The following KCP variants were observed in gnomAD, a reference collection of about 807,000 sequenced individuals.
KCP encodes the protein kielin/chordin-like protein.
Under a neutral mutation model 212.7 loss-of-function variants are expected in KCP, and 194 were observed. The observed-to-expected ratio is 0.91, with a 90% CI of 0.81 to 1.03. The LOEUF (loss-of-function observed/expected upper bound fraction) is 1.03. Ranked by LOEUF, KCP falls within the 50% of genes least tolerant of loss-of-function variation. The pLI, the probability that KCP is intolerant of heterozygous loss-of-function variation, is 0.00. For synonymous variants in KCP, 833 were observed against 865.3 expected (o/e 0.96, Z 0.65); for missense variants, 2,080 against 2,162.5 (o/e 0.96, Z 0.76).
At chr7:128,879,865 C>G (rs796858101) in intron 35 of KCP, 36 bp from the exon 36 acceptor site, 238 of 1,551,020 alleles carry the variant, frequency 1.5e-4, no homozygotes, top group Non-Finnish European at 1.9e-4. Flanking sequence ...CAATGGTCAG[C>G]AGGGCTGGGT....
Position 128,878,583 on chromosome 7 carries a change from T to A in KCP, c.4286A>T (p.Glu1429Val). Residue 1429 changes from glutamate (E) to valine (V), a missense_variant, in exon 38 of 40, where the codon GAG (glutamate) becomes GTG (valine). By Grantham distance (121) the Glu-to-Val change is moderately radical (BLOSUM62 -2). Transcript: ENST00000610776. The part of the protein sequence containing the change: ...QGPEGLLLPS[E>V]AAFGNSWQVS... ...CTGCCAGCTATTCCCAAACGCAGCCTCCGAGGGCAGGAGCAGCCCCTCAGG... is the reference window on the plus strand; with the variant it reads ...CTGCCAGCTATTCCCAAACGCAGCCACCGAGGGCAGGAGCAGCCCCTCAGG... 1 of 1,551,338 alleles carries A rather than the reference T, an allele frequency of 6.4e-7. No homozygotes were observed. The highest frequency in any genetic ancestry group is 8.7e-7 in the Non-Finnish European group (1 of 1,146,932).
At position 128,880,511 on chromosome 7, in the gene KCP, C is replaced by G; in HGVS notation, c.3634G>C (p.Val1212Leu). The G allele has an allele frequency of 6.6e-7, 1 of 1,508,930 alleles. No homozygotes were observed. The allele number at this position is 1,508,930 out of a possible 1,614,324, so 93.5% of individuals were successfully genotyped here. The change falls in exon 34 of 40, where the codon GTG becomes CTG. Residue 1212 changes from valine to leucine, a missense_variant. Coordinates refer to ENST00000610776, the MANE Select transcript of KCP (RefSeq NM_001366122.1). ...ERCQAPTQSC[V>L]HQGREVASGE... Reference sequence around the variant, plus strand: ...GAGGCCACCTCACGGCCCTGGTGCACGCAGGACTGGGTGGGAGCTGAAGGG... The same window carrying G: ...GAGGCCACCTCACGGCCCTGGTGCAGGCAGGACTGGGTGGGAGCTGAAGGG...
intron 8 of KCP, among the ~76,000 whole-genome samples, chr7:128,895,886 G>A (rs1407579354): frequency 1.3e-5 from 2 of 152,164 alleles, no homozygotes; most frequent in African/African-American, 4.8e-5. Context: ...ATAAAAATGG[G>A]CAACCAGCAG....
chr7:128,891,020 G>T lies in KCP; in HGVS notation c.2049C>A (p.Gly683=), dbSNP rs1158111620. ...GGCAGAGGCAGCGGCGGCAGGGATCGCCGGGCGGGGAGAAGTACTCCTGGT... is the reference window on the plus strand; with the variant it reads ...GGCAGAGGCAGCGGCGGCAGGGATCTCCGGGCGGGGAGAAGTACTCCTGGT... ...ARHQEYFSPP[G]DPCRRCLCLD... Residue 683 remains glycine (G), a synonymous_variant, in exon 20 of 40, where the codon GGC becomes GGA. Transcript: ENST00000610776. The T allele has an allele frequency of 1.2e-5, 16 of 1,344,776 alleles. No individual in the cohort carries two copies. In the African/African-American group the frequency reaches 2.0e-4, roughly 17 times the overall value. 83.3% of individuals were successfully genotyped at this position (1,344,776 alleles called of 1,614,324 possible).
chr7:128,882,991 G>A (rs1014716670), intron 29 of KCP, among the ~76,000 whole-genome samples: 6 of 151,612 alleles, frequency 4.0e-5, no homozygotes, highest in East Asian at 3.9e-4. Context: ...TGAATCCCTC[G>A]AATCCAGAGG....
At position 128,877,321 on chromosome 7, in the gene KCP, G is replaced by C. The variant is rs537991400; in HGVS notation, c.4619-10C>G. On this transcript the variant is annotated splice_polypyrimidine_tract_variant and intron_variant, in intron 39 of 39. Transcript: ENST00000610776. ...AGGGGGCAGCCTACCACTGCAGGGGGAGTGGGAGGCGGGGTTACCAAGGCA... is the reference window on the plus strand; with the variant it reads ...AGGGGGCAGCCTACCACTGCAGGGGCAGTGGGAGGCGGGGTTACCAAGGCA... The C allele has an allele frequency of 6.9e-4, 1,052 of 1,527,234 alleles. 8 individuals carry two copies. Among genetic ancestry groups the C allele is most frequent in the South Asian group, 6.5e-3 (524 of 80,870 alleles). The allele number at this position is 1,527,234 out of a possible 1,614,324, so 94.6% of individuals were successfully genotyped here.
At chr7:128,897,651 G>C (rs1358135711) in intron 8 of KCP, among the ~76,000 whole-genome samples, 1 of 151,746 alleles carries the variant, frequency 6.6e-6, no homozygotes, top group East Asian at 1.9e-4. Flanking sequence ...GTAGACATTT[G>C]GTCTAAATTA....
At chr7:128,899,862 T>TTAAGGTATCATG (rs1794740777) in intron 8 of KCP, among the ~76,000 whole-genome samples, 3 of 152,182 alleles carry the variant, frequency 2.0e-5, no homozygotes, top group African/African-American at 7.2e-5. Context: ...TCATGATTCC[T>TTAAGGTATCATG]TAAGGAATCA....
intron 8 of KCP, among the ~76,000 whole-genome samples, chr7:128,901,304 G>T (rs1442455464): frequency 6.6e-6 from 1 of 152,202 alleles, no homozygotes; most frequent in Non-Finnish European, 1.5e-5. Flanking sequence ...CTATGGAGTA[G>T]CCATTCTTTT....
chr7:128,891,674 AG>A lies in KCP; in HGVS notation c.1766del (p.Pro589LeufsTer38). ...TGCAGTCGTTCGGGCAGCAGGTCCC[AG>A]GCAGCGGGTGGGCACAGGGGGCCCT... ...CPRAPCAHPL[P>X]GTCCPNDCSG... On this transcript the variant is annotated frameshift_variant, in exon 17 of 40. Coordinates refer to ENST00000610776, the MANE Select transcript of KCP (RefSeq NM_001366122.1). LOFTEE classifies it high-confidence loss of function. 6.9e-7 allele frequency: 1 copy of A among 1,457,036 alleles called. No homozygotes were observed. Among genetic ancestry groups the A allele is most frequent in the Non-Finnish European group, 9.1e-7 (1 of 1,103,264 alleles). The allele number at this position is 1,457,036 out of a possible 1,614,324, so 90.3% of individuals were successfully genotyped here. A position where few individuals can be genotyped will look rare whatever the true frequency, so the allele number is the denominator to read the frequency against.
chr7:128,882,131 C>T, intron 29 of KCP, 115 bp from the exon 30 acceptor site: 1 of 685,398 alleles, frequency 1.5e-6, no homozygotes, highest in Non-Finnish European at 2.6e-6. Flanking sequence ...TGAGCATACC[C>T]ATATCCCAGC....
At position 128,892,568 on chromosome 7, in the gene KCP, T is replaced by C; in HGVS notation, c.1567A>G (p.Thr523Ala). 5.2e-6 allele frequency: 8 copies of C among 1,550,278 alleles called. No homozygotes were observed. The highest frequency in any genetic ancestry group is 7.0e-6 in the Non-Finnish European group (8 of 1,146,140). ...VTCSLVDCPP[T>A]TCARPQSGPG... ...CCACTCTGGGGCCTGGCACAGGTCG[T>C]GGGAGGGCAGTCAACCAAGGAGCAT... The change falls in exon 16 of 40, where the codon ACG (threonine) becomes GCG (alanine). Residue 523 changes from threonine (T) to alanine (A), a missense_variant. Transcript: ENST00000610776.
At chr7:128,886,426 G>C (rs1296553557) in intron 26 of KCP, 38 bp downstream of exon 26, 2 of 1,504,588 alleles carry the variant, frequency 1.3e-6, no homozygotes, top group African/African-American at 1.4e-5. Context: ...ACAGGGCCAA[G>C]GGGCTGAAGC....
intron 8 of KCP, among the ~76,000 whole-genome samples, chr7:128,898,874 C>T (rs574690469): frequency 5.0e-4 from 76 of 152,346 alleles, no homozygotes; most frequent in African/African-American, 1.8e-3. Context: ...AAAAGTACAA[C>T]AGGTTTTTCT....
chr7:128,878,534 A>T, intron 38 of KCP, 24 bp downstream of exon 38: 1 of 1,545,842 alleles, frequency 6.5e-7, no homozygotes, highest in South Asian at 1.2e-5. Flanking sequence ...CCTAATCCCC[A>T]TCCCCGGTTC....
intron 5 of KCP, 35 bp downstream of exon 5, chr7:128,906,244 G>A (rs749180423): frequency 1.8e-5 from 27 of 1,505,472 alleles, no homozygotes; most frequent in Non-Finnish European, 2.4e-5. Context: ...GAGAAGGCAA[G>A]CAGGAGGTGG....
Position 128,880,599 on chromosome 7 carries a change from C to A in KCP, c.3616+20G>T. ...CCAGAAGGTCTGGCTTACCCCTCCC[C>A]CATCACCCTGGCTGCGCACCTTGGC... On this transcript the variant is annotated intron_variant, in intron 33 of 39. Transcript: ENST00000610776. 6 of 1,305,942 alleles carry A rather than the reference C, an allele frequency of 4.6e-6. No individual in the cohort carries two copies. The highest frequency in any genetic ancestry group is 6.0e-6 in the Non-Finnish European group (6 of 1,003,714). 80.9% of individuals were successfully genotyped at this position (1,305,942 alleles called of 1,614,324 possible).
Position 128,886,912 on chromosome 7 carries a change from G to C in KCP, c.2653C>G (p.Pro885Ala). Residue 885 changes from proline to alanine, a missense_variant, in exon 24 of 40, where the codon CCC becomes GCC. Physicochemically the swap from Pro to Ala is conservative, Grantham distance 27 (BLOSUM62 -1). Coordinates refer to ENST00000610776, the MANE Select transcript of KCP (RefSeq NM_001366122.1). Reference protein sequence around the residue: ...KPCPPALCPHPSPGPCFCPVC... With the variant: ...KPCPPALCPHASPGPCFCPVC... Reference sequence around the variant, plus strand: ...GGGCAGAAGCAGGGGCCTGGAGAGGGGTGGGGGCAGAGAGCTGGGGGACAT... The same window carrying C: ...GGGCAGAAGCAGGGGCCTGGAGAGGCGTGGGGGCAGAGAGCTGGGGGACAT... 2 of 1,532,236 alleles carry C rather than the reference G, an allele frequency of 1.3e-6. No individual in the cohort carries two copies. The highest frequency in any genetic ancestry group is 1.8e-6 in the Non-Finnish European group (2 of 1,136,900). 94.9% of individuals were successfully genotyped at this position (1,532,236 alleles called of 1,614,324 possible). A position where few individuals can be genotyped will look rare whatever the true frequency, so the allele number is the denominator to read the frequency against.
chr7:128,905,145 T>C (rs1318297681), intron 5 of KCP, among the ~76,000 whole-genome samples: 2 of 152,224 alleles, frequency 1.3e-5, no homozygotes, highest in East Asian at 3.9e-4. Flanking sequence ...CCCACCTTTC[T>C]TACTACCAAC....
Sources: allele counts gnomAD v4.1 joint callset (sites outside exome capture counted in the v4.1 genomes callset), GRCh38; gene constraint gnomAD v4.1.1; transcripts MANE v1.5; gene names NCBI Gene and HGNC (gene_info 2026-07-23, HGNC 2026-07-21).